Variants in ATP6V1H observed in about 807,000 individuals in gnomAD.
ATP6V1H encodes the protein ATPase H+ transporting V1 subunit H.
A neutral mutation model predicts 71.7 loss-of-function variants in ATP6V1H; 39 were observed. The observed-to-expected ratio is 0.54, with a 90% CI of 0.42 to 0.71. The LOEUF (loss-of-function observed/expected upper bound fraction) is 0.71. Ranked by LOEUF, ATP6V1H falls within the 30% of genes least tolerant of loss-of-function variation. The pLI, the probability that ATP6V1H is intolerant of heterozygous loss-of-function variation, is 0.00. For synonymous variants in ATP6V1H, 192 were observed against 199.3 expected (o/e 0.96, Z 0.31); for missense variants, 509 against 594.9 (o/e 0.86, Z 1.50).
rs1585751685 is a variant in ATP6V1H at position 53,756,484 on chromosome 8, A to G, written c.1277+71T>C. Reference sequence around the variant, plus strand: ...CCTTTGCTAACCTACTCCATTTTAGATAAGTACATTATTTAGGACTCTACA... The same window carrying G: ...CCTTTGCTAACCTACTCCATTTTAGGTAAGTACATTATTTAGGACTCTACA... On this transcript the variant is annotated intron_variant, in intron 12 of 13. Coordinates refer to ENST00000359530, the MANE Select transcript of ATP6V1H (RefSeq NM_015941.4). 8.0e-6 allele frequency: 9 copies of G among 1,131,768 alleles called. No individual in the cohort carries two copies. The South Asian group carries it at 8.7e-5, about 11-fold the overall frequency. 70.1% of individuals were successfully genotyped at this position (1,131,768 alleles called of 1,614,324 possible). A position where few individuals can be genotyped will look rare whatever the true frequency, so the allele number is the denominator to read the frequency against.
chr8:53,756,069 C>CTTT (rs199967847), intron 12 of ATP6V1H, among the ~76,000 whole-genome samples: 8 of 96,580 alleles, frequency 8.3e-5, no homozygotes, highest in Non-Finnish European at 1.0e-4. Flanking sequence ...TTTTTCTTTT[C>CTTT]TTTTTTTTTT....
chr8:53,771,490 G>C (rs1808648751), intron 10 of ATP6V1H, among the ~76,000 whole-genome samples: 1 of 152,258 alleles, frequency 6.6e-6, no homozygotes, highest in South Asian at 2.1e-4. Context: ...CCGAGGGAGA[G>C]TGAGGCGAGG....
At chr8:53,816,036 A>G (rs1009749947) in intron 5 of ATP6V1H, among the ~76,000 whole-genome samples, 3 of 152,250 alleles carry the variant, frequency 2.0e-5, no homozygotes, top group African/African-American at 7.2e-5. Flanking sequence ...CCAAACAGTG[A>G]AGAAAACAAG....
chr8:53,725,334 G>C (rs1009896045), intron 13 of ATP6V1H, among the ~76,000 whole-genome samples: 3 of 152,094 alleles, frequency 2.0e-5, no homozygotes, highest in Non-Finnish European at 2.9e-5. Context: ...TCACCAACAA[G>C]AAGGCCCTCA....
Position 53,781,532 on chromosome 8 carries a change from T to C in ATP6V1H, c.871-9365A>G, listed in dbSNP as rs545413496. Among the ~76,000 whole-genome samples, 11 of 152,302 alleles carry C rather than the reference T, an allele frequency of 7.2e-5. No individual in the cohort carries two copies. The East Asian group carries it at 2.1e-3, about 29-fold the overall frequency. On this transcript the variant is annotated intron_variant, in intron 9 of 13. Transcript: ENST00000359530. ...GGTGGTTTCTTTTGCTGTGCAGAAG[T>C]TCTTTAGTTTAATTAGACACCATTT...
intron 13 of ATP6V1H, among the ~76,000 whole-genome samples, chr8:53,725,466 C>G (rs1253999196): frequency 6.6e-6 from 1 of 150,934 alleles, no homozygotes; most frequent in East Asian, 1.9e-4. Flanking sequence ...TAAACAAAGA[C>G]ACTTTGCTCA....
In ATP6V1H at chr8:53,749,648, G is replaced by A. The variant is rs551641015; in HGVS notation, c.1278-5958C>T. Among the ~76,000 whole-genome samples the A allele has an allele frequency of 4.0e-5, 6 of 151,872 alleles. No homozygotes were observed. The East Asian group carries it at 1.2e-3, about 29-fold the overall frequency. On this transcript the variant is annotated intron_variant, in intron 12 of 13. Transcript: ENST00000359530. ...AGGGAGAAGAGCAAAGTGAATTTGT[G>A]GCATTTTTAATCTTCTATAATGGGA...
At chr8:53,760,713 T>G (rs1242211217) in intron 11 of ATP6V1H, among the ~76,000 whole-genome samples, 4 of 152,056 alleles carry the variant, frequency 2.6e-5, no homozygotes, top group Non-Finnish European at 5.9e-5. Flanking sequence ...CAGAACAGAC[T>G]CCCTTCTGGG....
chr8:53,737,173 A>G (rs1563442394), intron 13 of ATP6V1H, among the ~76,000 whole-genome samples: 1 of 152,234 alleles, frequency 6.6e-6, no homozygotes, highest in Non-Finnish European at 1.5e-5. Context: ...GAATACAGCC[A>G]CTTCCTTCTT....
intron 9 of ATP6V1H, among the ~76,000 whole-genome samples, chr8:53,790,507 T>G (rs564464356): frequency 1.3e-5 from 2 of 152,322 alleles, no homozygotes; most frequent in African/African-American, 4.8e-5. Flanking sequence ...TTTCGAAGGG[T>G]ATTATCATGT....
intron 2 of ATP6V1H, among the ~76,000 whole-genome samples, chr8:53,840,206 A>C (rs1811297552): frequency 6.6e-6 from 1 of 152,122 alleles, no homozygotes; most frequent in Non-Finnish European, 1.5e-5. Flanking sequence ...CAGTTAACAT[A>C]CTGAATTAGA....
At position 53,807,298 on chromosome 8, in the gene ATP6V1H, C is replaced by CA. The variant is rs201764712; in HGVS notation, c.579+3865dup. Reference sequence around the variant, plus strand: ...CAATTTAAGGAATCTGGTCAAAAGCCAAAAAAAAACTAAGTCCTAGGCCAA... The same window carrying CA: ...CAATTTAAGGAATCTGGTCAAAAGCCAAAAAAAAAACTAAGTCCTAGGCCAA... On this transcript the variant is annotated intron_variant, in intron 7 of 13. Coordinates refer to ENST00000359530, the MANE Select transcript of ATP6V1H (RefSeq NM_015941.4). Among the ~76,000 whole-genome samples, 354 of 150,262 alleles carry CA rather than the reference C, an allele frequency of 2.4e-3. 2 individuals carry two copies. The highest frequency in any genetic ancestry group is 8.0e-3 in the African/African-American group (326 of 41,000).
At chr8:53,825,995 C>T (rs1228739038) in intron 4 of ATP6V1H, among the ~76,000 whole-genome samples, 1 of 152,010 alleles carries the variant, frequency 6.6e-6, no homozygotes. Context: ...AATATTTGCA[C>T]TTTGTTCAGA....
At chr8:53,814,887 A>C in intron 5 of ATP6V1H, 121 bp from the exon 6 acceptor site, 1 of 544,048 alleles carries the variant, frequency 1.8e-6, no homozygotes, top group Non-Finnish European at 3.3e-6. Context: ...ACCCCTCTAA[A>C]AATAATAGTT....
chr8:53,793,819 A>T (rs1809642812), intron 9 of ATP6V1H, among the ~76,000 whole-genome samples: 1 of 152,138 alleles, frequency 6.6e-6, no homozygotes. Context: ...CATGCCTGTG[A>T]TCCCAGCTAC....
At chr8:53,729,429 G>A (rs1481981203) in intron 13 of ATP6V1H, among the ~76,000 whole-genome samples, 4 of 152,148 alleles carry the variant, frequency 2.6e-5, no homozygotes, top group African/African-American at 9.7e-5. Flanking sequence ...TGGGATCCAT[G>A]GCAAGCCAGT....
At chr8:53,752,840 G>A (rs980834391) in intron 12 of ATP6V1H, among the ~76,000 whole-genome samples, 10 of 152,110 alleles carry the variant, frequency 6.6e-5, no homozygotes, top group African/African-American at 1.9e-4. Context: ...GTGAGCTACC[G>A]CACCCAGCGA....
chr8:53,747,004 T>C (rs1451142407), intron 12 of ATP6V1H, among the ~76,000 whole-genome samples: 1 of 152,240 alleles, frequency 6.6e-6, no homozygotes, highest in Non-Finnish European at 1.5e-5. Context: ...CACTGGTACA[T>C]ACATTTAAAG....
intron 4 of ATP6V1H, among the ~76,000 whole-genome samples, chr8:53,817,834 A>G (rs369598679): frequency 4.6e-3 from 704 of 152,292 alleles, no homozygotes; most frequent in South Asian, 0.015. Flanking sequence ...GTCTACACCC[A>G]CCACCGATAA....
Sources: gnomAD v4.1 joint callset for allele counts (sites outside exome capture counted in the v4.1 genomes callset) on GRCh38, gnomAD v4.1.1 for gene constraint, MANE v1.5 for transcripts, NCBI Gene and HGNC (gene_info 2026-07-23, HGNC 2026-07-21) for gene names.